KCNK1: variants seen among roughly 807,000 people sequenced by gnomAD.
The protein encoded by KCNK1 is potassium two pore domain channel subfamily K member 1, also known as potassium channel subfamily K member 1.
A neutral mutation model predicts 22.2 loss-of-function variants in KCNK1; 10 were observed. The ratio of observed to expected loss-of-function variants is 0.45; its 90% CI spans 0.28 to 0.76. The LOEUF (loss-of-function observed/expected upper bound fraction) is 0.76. KCNK1 is among the 30% of genes least tolerant of loss of function. KCNK1 has a pLI of 0.14. For synonymous variants in KCNK1, 200 were observed against 186.4 expected, an observed-to-expected ratio of 1.07 and a Z score of -0.60; for missense variants, 378 against 421.0, an observed-to-expected ratio of 0.90 and a Z score of 0.89.
rs374514742 is a variant in KCNK1, at chr1:233,628,611, T to C, written c.355+14085T>C. On this transcript the variant is annotated intron_variant, in intron 1 of 2. Transcript: ENST00000366621. ...CCTCATCTCTACTAAAATTCAAAAA[T>C]TAGCCAGGCGTGGTGGTGGGTGCCT... 4.0e-4 allele frequency among the ~76,000 whole-genome samples: 61 copies of C among 152,026 alleles called. No individual in the cohort carries two copies. The East Asian group carries it at 9.5e-3, about 24-fold the overall frequency.
At chr1:233,615,400 G>C (rs1361588912) in intron 1 of KCNK1, among the ~76,000 whole-genome samples, 1 of 152,182 alleles carries the variant, frequency 6.6e-6, no homozygotes, top group Non-Finnish European at 1.5e-5. Flanking sequence ...CCCAGGGCTC[G>C]GTCACTGTGC....
intron 1 of KCNK1, among the ~76,000 whole-genome samples, chr1:233,640,733 T>C (rs1017467835): frequency 2.6e-5 from 4 of 152,108 alleles, no homozygotes; most frequent in Non-Finnish European, 4.4e-5. Flanking sequence ...TTAGACAGGG[T>C]CTCGTTGTGT....
chr1:233,669,066 G>C (rs1251766073), intron 2 of KCNK1, among the ~76,000 whole-genome samples: 1 of 152,182 alleles, frequency 6.6e-6, no homozygotes, highest in Non-Finnish European at 1.5e-5. Context: ...CATTATCTGA[G>C]TGTGACAGTT....
chr1:233,641,138 G>A (rs969629980), intron 1 of KCNK1, among the ~76,000 whole-genome samples: 2 of 152,232 alleles, frequency 1.3e-5, no homozygotes, highest in Non-Finnish European at 2.9e-5. Context: ...AAACAAGCCG[G>A]AAGACTTTCT....
chr1:233,616,897 A>G (rs1273596658), intron 1 of KCNK1, among the ~76,000 whole-genome samples: 1 of 152,258 alleles, frequency 6.6e-6, no homozygotes, highest in Non-Finnish European at 1.5e-5. Flanking sequence ...AACAAACAAT[A>G]TTTTAAATCA....
At chr1:233,628,384 C>T (rs897168306) in intron 1 of KCNK1, among the ~76,000 whole-genome samples, 1 of 152,146 alleles carries the variant, frequency 6.6e-6, no homozygotes, top group African/African-American at 2.4e-5. Context: ...ATGAGAAGCC[C>T]AAGCCTCACC....
rs897650899 is a variant in KCNK1, at chr1:233,614,117, C to A, written c.-55C>A. 5 of 1,284,396 alleles carry A rather than the reference C, an allele frequency of 3.9e-6. No homozygotes were observed. In the Admixed American group the frequency reaches 1.7e-4, roughly 44 times the overall value. 79.6% of individuals were successfully genotyped at this position (1,284,396 alleles called of 1,614,324 possible). ...GGGGCGGCGGGGCCAGAAGAGGCGGCGGGCCGCGCTCCGGCCGGTCTGCGG... is the reference window on the plus strand; with the variant it reads ...GGGGCGGCGGGGCCAGAAGAGGCGGAGGGCCGCGCTCCGGCCGGTCTGCGG... On this transcript the variant is annotated 5_prime_UTR_variant, in exon 1 of 3. Coordinates refer to ENST00000366621, the MANE Select transcript of KCNK1 (RefSeq NM_002245.4).
At position 233,614,162 on chromosome 1, in the gene KCNK1, G is replaced by GGCA. The variant is rs747173648; in HGVS notation, c.-9_-8insCAG. ...CTGCGGCGTTGGCCTTGGCGGCGGC[G>GGCA]GTGGAGAAGATGCTGCAGTCCCTGG... is the stretch of plus-strand genomic sequence containing the variant. On this transcript the variant is annotated 5_prime_UTR_variant, in exon 1 of 3. Transcript: ENST00000366621. 3 of 1,206,622 alleles carry GGCA rather than the reference G, an allele frequency of 2.5e-6. No individual in the cohort carries two copies. Among genetic ancestry groups the GGCA allele is most frequent in the Non-Finnish European group, 3.3e-6 (3 of 899,018 alleles). The allele number at this position is 1,206,622 out of a possible 1,614,324, so 74.7% of individuals were successfully genotyped here.
At chr1:233,625,001 CT>C (rs746459464) in intron 1 of KCNK1, among the ~76,000 whole-genome samples, 8 of 152,156 alleles carry the variant, frequency 5.3e-5, no homozygotes, top group Non-Finnish European at 7.3e-5. Flanking sequence ...TGAAGTTTCA[CT>C]GAAAATCACC....
At chr1:233,651,305 A>G (rs1658198827) in intron 1 of KCNK1, among the ~76,000 whole-genome samples, 2 of 152,226 alleles carry the variant, frequency 1.3e-5, no homozygotes, top group Admixed American at 6.5e-5. Flanking sequence ...CTAAAAGTGC[A>G]TTACTGAAAA....
intron 1 of KCNK1, among the ~76,000 whole-genome samples, chr1:233,641,728 A>C (rs73105520): frequency 0.022 from 3,340 of 152,320 alleles, 132 homozygotes; most frequent in African/African-American, 0.074. Flanking sequence ...TAGATTAACA[A>C]GAGAAAAACA....
At chr1:233,646,471 C>T (rs1281204444) in intron 1 of KCNK1, among the ~76,000 whole-genome samples, 1 of 152,068 alleles carries the variant, frequency 6.6e-6, no homozygotes, top group Non-Finnish European at 1.5e-5. Context: ...TAATATGTCA[C>T]AGGTAGACCA....
chr1:233,640,082 G>A (rs557201224), intron 1 of KCNK1, among the ~76,000 whole-genome samples: 32 of 152,356 alleles, frequency 2.1e-4, no homozygotes, highest in African/African-American at 7.5e-4. Context: ...TTCTCCAAAT[G>A]AGAAAGACTG....
At chr1:233,626,035 C>G (rs1657682802) in intron 1 of KCNK1, among the ~76,000 whole-genome samples, 1 of 151,860 alleles carries the variant, frequency 6.6e-6, no homozygotes, top group African/African-American at 2.4e-5. Flanking sequence ...ACTGACTGTT[C>G]CAACGCGTTC....
chr1:233,654,247 T>C (rs1397060323), intron 1 of KCNK1, among the ~76,000 whole-genome samples: 2 of 152,104 alleles, frequency 1.3e-5, no homozygotes, highest in South Asian at 2.1e-4. Flanking sequence ...ACCTAATGCA[T>C]GCAGGGCTTA....
chr1:233,629,162 C>T (rs901842012), intron 1 of KCNK1, among the ~76,000 whole-genome samples: 3 of 152,098 alleles, frequency 2.0e-5, no homozygotes, highest in Admixed American at 6.5e-5. Context: ...TGGGGAGACT[C>T]GACTGAAACA....
intron 1 of KCNK1, among the ~76,000 whole-genome samples, chr1:233,635,693 T>C (rs1199993777): frequency 6.6e-6 from 1 of 152,206 alleles, no homozygotes; most frequent in Non-Finnish European, 1.5e-5. Flanking sequence ...CAAAATATTT[T>C]GGGGGCACCT....
intron 2 of KCNK1, 66 bp downstream of exon 2, chr1:233,667,056 T>A: frequency 8.0e-7 from 1 of 1,252,492 alleles, no homozygotes; most frequent in South Asian, 2.3e-5. Context: ...TTTATTTATT[T>A]ATTTTGAGCC....
At chr1:233,667,341 G>T (rs1255507827) in intron 2 of KCNK1, among the ~76,000 whole-genome samples, 1 of 152,040 alleles carries the variant, frequency 6.6e-6, no homozygotes, top group Non-Finnish European at 1.5e-5. Context: ...AACTGTTTAT[G>T]CAAAAATCTT....
Sources: gnomAD v4.1 joint callset for allele counts (sites outside exome capture counted in the v4.1 genomes callset) on GRCh38, gnomAD v4.1.1 for gene constraint, MANE v1.5 for transcripts, NCBI Gene and HGNC (gene_info 2026-07-23, HGNC 2026-07-21) for gene names.